The following FXYD1 variants were observed in gnomAD, a reference collection of about 807,000 sequenced individuals.
FXYD1 encodes FXYD domain containing ion transport regulator 1.
A neutral mutation model predicts 17.2 loss-of-function variants in FXYD1; 9 were observed. The observed-to-expected ratio is 0.52, with a 90% confidence interval of 0.32 to 0.91. The LOEUF (loss-of-function observed/expected upper bound fraction) is 0.91. Ranked by LOEUF, FXYD1 falls within the 40% of genes least tolerant of loss-of-function variation. The pLI is 0.04. For missense variants in FXYD1, 113 were observed against 120.6 expected (o/e 0.94, Z 0.29); for synonymous variants, 55 against 45.8 (o/e 1.20, Z -0.81).
intron 3 of FXYD1, chr19:35,140,924 C>T: frequency 3.5e-6 from 2 of 576,848 alleles, no homozygotes; most frequent in East Asian, 3.0e-5. Flanking sequence ...CCTCCTCCTC[C>T]CTGTCCCCTC....
chr19:35,141,230 T>G, intron 4 of FXYD1, 24 bp downstream of exon 4: 1 of 1,437,894 alleles, frequency 7.0e-7, no homozygotes, highest in Non-Finnish European at 9.7e-7. Context: ...GCTCCCGCCC[T>G]CTACCCCGCC....
intron 7 of FXYD1, 40 bp downstream of exon 7, chr19:35,142,811 A>T: frequency 3.3e-6 from 5 of 1,501,870 alleles, no homozygotes; most frequent in South Asian, 1.1e-5. Context: ...GGAAGGAGGG[A>T]GGAAGGAAAG....
chr19:35,141,905 G>C (rs568566185), intron 5 of FXYD1, among the ~76,000 whole-genome samples: 2 of 152,368 alleles, frequency 1.3e-5, no homozygotes, highest in Non-Finnish European at 2.9e-5. Flanking sequence ...GTTTAGCTTA[G>C]AGTCTTGTTC....
chr19:35,140,893 C>G (rs749147645), intron 3 of FXYD1: 2 of 594,106 alleles, frequency 3.4e-6, no homozygotes, highest in Non-Finnish European at 3.0e-6. Flanking sequence ...TCTGCTTCTT[C>G]CCGTCTTCTC....
chr19:35,143,026 C>G lies in FXYD1; in HGVS notation c.*139C>G. ...CAGACTCCCCCTGCCGCCAAGACTTCCAATAAAACGTGCGTTCCTCTCGAC... is the reference window on the plus strand; with the variant it reads ...CAGACTCCCCCTGCCGCCAAGACTTGCAATAAAACGTGCGTTCCTCTCGAC... On this transcript the variant is annotated 3_prime_UTR_variant, in exon 8 of 8. Transcript: ENST00000351325. This position sits in a 1 kb window ranked among gnomAD's most constrained non-coding sequence, Gnocchi z 4.3. 1 of 545,228 alleles carries G rather than the reference C, an allele frequency of 1.8e-6. No homozygotes were observed. Among genetic ancestry groups the G allele is most frequent in the African/African-American group, 2.0e-5 (1 of 50,744 alleles). 33.8% of individuals were successfully genotyped at this position (545,228 alleles called of 1,614,324 possible).
upstream of FXYD1, chr19:35,137,711 C>G (rs757647002): frequency 1.3e-5 from 2 of 152,314 alleles, no homozygotes; most frequent in Non-Finnish European, 2.9e-5. Flanking sequence ...ACTGCAAGCT[C>G]TGCCTCCCGG....
At position 35,142,717 on chromosome 19, in the gene FXYD1, C is replaced by G; in HGVS notation, c.257-3C>G. 3 of 1,613,762 alleles carry G rather than the reference C, an allele frequency of 1.9e-6. No individual in the cohort carries two copies. The highest frequency in any genetic ancestry group is 1.7e-6 in the Non-Finnish European group (2 of 1,179,816). On this transcript the variant is annotated splice_region_variant and splice_polypyrimidine_tract_variant and intron_variant, in intron 6 of 7. Coordinates refer to ENST00000351325, the MANE Select transcript of FXYD1 (RefSeq NM_021902.4). ...TGACCCCCGATCTCCGTGTTCCCCC[C>G]AGGTCTGTCCACCCGCAGGCGGTAG...
intron 3 of FXYD1, 30 bp downstream of exon 3, chr19:35,140,659 G>A (rs375147323): frequency 3.7e-6 from 6 of 1,605,662 alleles, no homozygotes; most frequent in Non-Finnish European, 5.1e-6. Context: ...TTGAGTCCTG[G>A]GGGAGAGCCT....
intron 5 of FXYD1, 76 bp downstream of exon 5, chr19:35,141,648 T>C: frequency 8.4e-7 from 1 of 1,184,332 alleles, no homozygotes. Context: ...GGAGTACCCC[T>C]GACCCGCAGC....
intron 1 of FXYD1, chr19:35,139,644 G>T: frequency 5.5e-6 from 1 of 182,950 alleles, no homozygotes; most frequent in Non-Finnish European, 1.2e-5. Flanking sequence ...GGGCGGAGAG[G>T]GCAGGGAGCT....
At chr19:35,141,380 C>G (rs2065253051) in intron 4 of FXYD1, 156 bp from the exon 5 acceptor site, 1 of 692,218 alleles carries the variant, frequency 1.4e-6, no homozygotes, top group African/African-American at 1.9e-5. Context: ...GGCCTTGCCC[C>G]GCCTACCCTG....
intron 5 of FXYD1, 66 bp from the exon 6 acceptor site, chr19:35,142,406 G>A (rs2065264966): frequency 3.3e-6 from 4 of 1,225,472 alleles, no homozygotes; most frequent in Non-Finnish European, 4.7e-6. Flanking sequence ...CTTGTACTGG[G>A]GGGTTCCTAG....
intron 1 of FXYD1, chr19:35,139,827 G>A (rs1600483661): frequency 2.2e-6 from 1 of 449,278 alleles, no homozygotes; most frequent in East Asian, 3.9e-5. Context: ...GGCCCCCCGG[G>A]GACTGTGTGT....
At chr19:35,139,981 C>G in intron 1 of FXYD1, 95 bp from the exon 2 acceptor site, 1 of 1,063,002 alleles carries the variant, frequency 9.4e-7, no homozygotes, top group Non-Finnish European at 1.5e-6. Flanking sequence ...TTCTGTGATT[C>G]AGTCCCCAGA....
Position 35,141,578 on chromosome 19 carries a change from A to T in FXYD1, c.206+6A>T, listed in dbSNP as rs1335213901. 4 of 1,607,558 alleles carry T rather than the reference A, an allele frequency of 2.5e-6. No individual in the cohort carries two copies. The East Asian group carries it at 9.0e-5, about 36-fold the overall frequency. On this transcript the variant is annotated splice_donor_region_variant and intron_variant, in intron 5 of 7. Coordinates refer to ENST00000351325, the MANE Select transcript of FXYD1 (RefSeq NM_021902.4). ...AAGTTCAACCAGCAGCAGAGGTAAG[A>T]CGCCCCTCCCCGCCCTCCTTCGCCC...
chr19:35,141,086 C>A, intron 3 of FXYD1, 46 bp from the exon 4 acceptor site: 1 of 1,195,074 alleles, frequency 8.4e-7, no homozygotes, highest in Non-Finnish European at 1.3e-6. Context: ...TCCTATTCTC[C>A]CTCCTGTCTT....
At chr19:35,142,645 C>A in intron 6 of FXYD1, 75 bp from the exon 7 acceptor site, 6 of 1,559,514 alleles carry the variant, frequency 3.8e-6, no homozygotes, top group Non-Finnish European at 3.5e-6. Context: ...GGGAGTTGCC[C>A]CGCCGCGGGC....
Position 35,143,055 on chromosome 19 carries a change from A to G in FXYD1, c.*168A>G, listed in dbSNP as rs1057247677. On this transcript the variant is annotated 3_prime_UTR_variant, in exon 8 of 8. Transcript: ENST00000351325. This position sits in a 1 kb window ranked among gnomAD's most constrained non-coding sequence, Gnocchi z 4.3. ...TAAAACGTGCGTTCCTCTCGACAGC[A>G]CTTTGTCGGTCTCGGTCCCTCAGCG... 8 of 528,164 alleles carry G rather than the reference A, an allele frequency of 1.5e-5. No homozygotes were observed. The African/African-American group carries it at 1.6e-4, about 11-fold the overall frequency. 32.7% of individuals were successfully genotyped at this position (528,164 alleles called of 1,614,324 possible). A position where few individuals can be genotyped will look rare whatever the true frequency, so the allele number is the denominator to read the frequency against.
chr19:35,138,374 G>GCA (rs750437140), upstream of FXYD1: 1,532 of 148,570 alleles, frequency 0.01, 13 homozygotes, highest in South Asian at 0.048. Context: ...ACATGCGCGC[G>GCA]CACACACACA....
Sources: allele counts gnomAD v4.1 joint callset (sites outside exome capture counted in the v4.1 genomes callset), GRCh38; gene constraint gnomAD v4.1.1; non-coding constraint Gnocchi (gnomAD v3.1); transcripts MANE v1.5; gene names NCBI Gene and HGNC (gene_info 2026-07-23, HGNC 2026-07-21).